C19orf47: variants seen among roughly 807,000 people sequenced by gnomAD.
C19orf47 encodes chromosome 19 open reading frame 47, also known as uncharacterized protein C19orf47.
In C19orf47, 18 loss-of-function variants were observed where a neutral mutation model predicts 32.3. That is an observed-to-expected ratio of 0.56 (90% CI 0.39 to 0.83). C19orf47 has a LOEUF of 0.83. C19orf47 is among the 40% of genes least tolerant of loss of function. The pLI is 0.00. For synonymous variants in C19orf47, 202 were observed against 211.1 expected, an observed-to-expected ratio of 0.96 and a Z score of 0.37; for missense variants, 484 against 531.6, an observed-to-expected ratio of 0.91 and a Z score of 0.88.
chr19:40,328,010 T>C (rs1469172714), intron 6 of C19orf47, among the ~76,000 whole-genome samples: 1 of 152,140 alleles, frequency 6.6e-6, no homozygotes, highest in African/African-American at 2.4e-5. Flanking sequence ...TTTTCAAGGA[T>C]GGATCCCTTG....
At chr19:40,293,990 C>T in the C19orf47 span, among the ~76,000 whole-genome samples, 1 of 152,022 alleles carries the variant, frequency 6.6e-6, no homozygotes, top group Admixed American at 6.6e-5. Context: ...CATGGTGGCA[C>T]ATGCCTGTAA....
intron 1 of C19orf47, chr19:40,343,398 T>C (rs2078214917): frequency 6.6e-6 from 1 of 151,674 alleles, no homozygotes; most frequent in Non-Finnish European, 1.5e-5. Flanking sequence ...ATTAGCTGTG[T>C]GATCTCGGCA....
Position 40,322,031 on chromosome 19 carries a change from T to G in C19orf47, c.1009A>C (p.Lys337Gln). The change falls in exon 9 of 9, where the codon AAG becomes CAG. Residue 337 changes from lysine to glutamine, a missense_variant. This residue lies in a region of C19orf47 where 51 missense variants were observed against 74.5 expected (regional missense o/e 0.68). Transcript: ENST00000683109. ...TTGACCTCGGCTGAGGACTTACTCTTGGTGCTGGTGACCTGGCTGTCCTGG... is the reference window on the plus strand; with the variant it reads ...TTGACCTCGGCTGAGGACTTACTCTGGGTGCTGGTGACCTGGCTGTCCTGG... ...EAQDSQVTSTKSKSSAEVKVT... is the reference protein window; with the variant it reads ...EAQDSQVTSTQSKSSAEVKVT... 6.2e-7 allele frequency: 1 copy of G among 1,614,154 alleles called. No individual in the cohort carries two copies.
intron 2 of C19orf47, 92 bp from the exon 3 acceptor site, chr19:40,336,499 A>C: frequency 1.8e-6 from 2 of 1,121,926 alleles, no homozygotes; most frequent in Non-Finnish European, 2.6e-6. Context: ...CACAAATTAA[A>C]TGCTCATCAT....
chr19:40,344,210 G>A (rs947633100), intron 1 of C19orf47, among the ~76,000 whole-genome samples: 1 of 152,008 alleles, frequency 6.6e-6, no homozygotes, highest in African/African-American at 2.4e-5. Flanking sequence ...CAGGAGCAGT[G>A]GCTCGTGCCT....
At chr19:40,294,500 C>T in the C19orf47 span, among the ~76,000 whole-genome samples, 4 of 151,636 alleles carry the variant, frequency 2.6e-5, no homozygotes, top group South Asian at 8.3e-4. Context: ...TCATTATTTT[C>T]CCATGTCTGT....
Position 40,321,950 on chromosome 19 carries a change from G to T in C19orf47, c.1090C>A (p.Leu364Ile). ...CCCGCGTGGTCCATCTGGGCACCAA[G>T]GCCCTCGCTGGAGCTGCTCCCCCGG... ...GPRGSSSSEG[L>I]GAQMDHAGTV... Residue 364 changes from leucine (L) to isoleucine (I), a missense_variant, in exon 9 of 9, where the codon CTT (leucine) becomes ATT (isoleucine). Around this residue, in one of 3 missense-constraint regions of C19orf47, gnomAD observed 51 missense variants for 74.5 expected, o/e 0.68. Coordinates refer to ENST00000683109, the MANE Select transcript of C19orf47 (RefSeq NM_001256441.2). 1 of 1,613,714 alleles carries T rather than the reference G, an allele frequency of 6.2e-7. No individual in the cohort carries two copies. Among genetic ancestry groups the T allele is most frequent in the African/African-American group, 1.3e-5 (1 of 75,054 alleles).
chr19:40,303,189 T>C, the C19orf47 span, among the ~76,000 whole-genome samples: 3 of 146,130 alleles, frequency 2.1e-5, no homozygotes, highest in African/African-American at 7.7e-5. Flanking sequence ...GATTGTGCCA[T>C]TGCACTCCAG....
chr19:40,307,275 A>G, the C19orf47 span, among the ~76,000 whole-genome samples: 1 of 151,034 alleles, frequency 6.6e-6, no homozygotes. Context: ...TTTGTATTTA[A>G]GTAGACTCTG....
chr19:40,314,521 CAAAA>C, the C19orf47 span, among the ~76,000 whole-genome samples: 1 of 152,112 alleles, frequency 6.6e-6, no homozygotes, highest in African/African-American at 2.4e-5. Context: ...ATGTGAGTGA[CAAAA>C]TAAAGAAAGT....
intron 5 of C19orf47, among the ~76,000 whole-genome samples, chr19:40,330,656 C>A (rs1268931726): frequency 4.2e-5 from 6 of 141,530 alleles, no homozygotes; most frequent in African/African-American, 1.6e-4. Flanking sequence ...CTCAAGCAAT[C>A]CTCCCACCTC....
chr19:40,346,920 T>TCG (rs59049246), intron 1 of C19orf47, among the ~76,000 whole-genome samples: 39,316 of 151,848 alleles, frequency 0.26, 5,210 homozygotes, highest in Middle Eastern at 0.29. Context: ...AGTGCGATGT[T>TCG]AAGTGTGCAT....
downstream of C19orf47, among the ~76,000 whole-genome samples, chr19:40,316,946 C>CTGTG (rs532127400): frequency 1.7e-4 from 21 of 126,498 alleles, no homozygotes; most frequent in East Asian, 3.5e-3. Context: ...TGCTCCTCTG[C>CTGTG]TGTGTGTGTG....
chr19:40,300,223 T>C, the C19orf47 span, among the ~76,000 whole-genome samples: 1 of 151,988 alleles, frequency 6.6e-6, no homozygotes, highest in Non-Finnish European at 1.5e-5. Context: ...TCCCAGCACT[T>C]TGGGAGGCCA....
chr19:40,328,372 TC>T, intron 6 of C19orf47, 40 bp downstream of exon 6: 1 of 1,605,046 alleles, frequency 6.2e-7, no homozygotes, highest in African/African-American at 1.3e-5. Context: ...CAACCCACGT[TC>T]CCCTCCAGCT....
At chr19:40,328,624 A>G (rs974012562) in intron 5 of C19orf47, 74 bp from the exon 6 acceptor site, 3 of 1,505,584 alleles carry the variant, frequency 2.0e-6, no homozygotes, top group Non-Finnish European at 2.7e-6. Flanking sequence ...TCTCAGGGTC[A>G]GGATGGAGAA....
At chr19:40,301,313 T>TTCTA in the C19orf47 span, among the ~76,000 whole-genome samples, 1 of 140,192 alleles carries the variant, frequency 7.1e-6, no homozygotes, top group Admixed American at 7.0e-5. Context: ...CTTGAGAGGC[T>TTCTA]TTTATTTATT....
At chr19:40,330,338 C>T (rs753954955) in intron 5 of C19orf47, among the ~76,000 whole-genome samples, 11 of 151,900 alleles carry the variant, frequency 7.2e-5, no homozygotes, top group Admixed American at 2.6e-4. Flanking sequence ...ACACCATTCT[C>T]GTGCCTCAGC....
At chr19:40,338,279 AC>A (rs1964994696) in intron 2 of C19orf47, among the ~76,000 whole-genome samples, 1 of 149,066 alleles carries the variant, frequency 6.7e-6, no homozygotes, top group Non-Finnish European at 1.5e-5. Flanking sequence ...ACACACACAC[AC>A]ACACACACAC....
Sources: gnomAD v4.1 joint callset for allele counts (sites outside exome capture counted in the v4.1 genomes callset) on GRCh38, gnomAD v4.1.1 for gene constraint, gnomAD v4.1.1 regional missense constraint, MANE v1.5 for transcripts, NCBI Gene and HGNC (gene_info 2026-07-23, HGNC 2026-07-21) for gene names.